PCDH11X: variants seen among roughly 807,000 people sequenced by gnomAD.
The protein encoded by PCDH11X is protocadherin-11 X-linked.
PCDH11X carries 18 observed loss-of-function variants against 53.3 expected under a neutral mutation model. That is an observed-to-expected ratio of 0.34 (90% confidence interval 0.23 to 0.50). PCDH11X has a LOEUF of 0.50. Ranked by LOEUF, PCDH11X falls within the 20% of genes least tolerant of loss-of-function variation. PCDH11X has a pLI of 0.98. For synonymous variants in PCDH11X, 279 were observed against 393.3 expected (o/e 0.71, Z 3.44); for missense variants, 570 against 1,032.4 (o/e 0.55, Z 6.14).
At chrX:92,457,262 C>G (rs972913884) in intron 9 of PCDH11X, among the ~76,000 whole-genome samples, 13 of 109,598 alleles carry the variant, frequency 1.2e-4, no homozygotes, top group Non-Finnish European at 2.1e-4. Context: ...CCCTCCTTTC[C>G]CCATGTGTTA....
At chrX:92,568,561 A>G (rs1921804581) in intron 10 of PCDH11X, among the ~76,000 whole-genome samples, 4 of 110,127 alleles carry the variant, frequency 3.6e-5, no homozygotes, top group Non-Finnish European at 7.6e-5. Flanking sequence ...ATAATAGAAT[A>G]AACCGTAAGT....
At chrX:92,168,368 G>A (rs752643274) in intron 6 of PCDH11X, among the ~76,000 whole-genome samples, 1 of 111,089 alleles carries the variant, frequency 9.0e-6, no homozygotes, top group African/African-American at 3.3e-5. Context: ...AGACCAGCTT[G>A]GGCAACATAG....
At chrX:91,795,756 C>T (rs1032000581) in intron 1 of PCDH11X, among the ~76,000 whole-genome samples, 1 of 111,298 alleles carries the variant, frequency 9.0e-6, no homozygotes, top group African/African-American at 3.3e-5. Flanking sequence ...TCTCTTGAAT[C>T]CAAGAAGTTT....
chrX:92,280,125 A>C (rs1354045424), intron 8 of PCDH11X, among the ~76,000 whole-genome samples: 2 of 112,394 alleles, frequency 1.8e-5, no homozygotes, highest in Non-Finnish European at 3.7e-5. Flanking sequence ...ACATGCATAC[A>C]CATAGAAAAG....
chrX:92,478,244 A>G (rs1221903897), intron 10 of PCDH11X, among the ~76,000 whole-genome samples: 1 of 109,428 alleles, frequency 9.1e-6, no homozygotes, highest in Non-Finnish European at 1.9e-5. Context: ...AAAATTGCCC[A>G]CTCTCGAGTA....
At chrX:92,363,051 GTAGATTTGTAGTAAGTT>G (rs2070383274) in intron 8 of PCDH11X, among the ~76,000 whole-genome samples, 1 of 110,588 alleles carries the variant, frequency 9.0e-6, no homozygotes, top group Non-Finnish European at 1.9e-5. Context: ...TTTGATTATT[GTAGATTTGTAGTAAGTT>G]TACAAGTAAC....
chrX:91,942,940 T>C (rs1043085845), intron 6 of PCDH11X, among the ~76,000 whole-genome samples: 12 of 103,315 alleles, frequency 1.2e-4, no homozygotes, highest in African/African-American at 4.2e-4. Context: ...AAAGAAATGA[T>C]ATATCAAGCC....
intron 7 of PCDH11X, among the ~76,000 whole-genome samples, chrX:92,239,625 G>T (rs1442952514): frequency 8.9e-6 from 1 of 111,736 alleles, no homozygotes; most frequent in Non-Finnish European, 1.9e-5. Flanking sequence ...GACAACTAAA[G>T]AGATCGATGT....
chrX:92,452,919 A>C (rs2578894), intron 9 of PCDH11X, among the ~76,000 whole-genome samples: 6,889 of 55,448 alleles, frequency 0.12, 1,364 homozygotes, highest in African/African-American at 0.44. Context: ...TGTCTTCCTT[A>C]TTTTACCCGC....
intron 6 of PCDH11X, among the ~76,000 whole-genome samples, chrX:91,893,918 G>T (rs1373741825): frequency 9.0e-6 from 1 of 111,329 alleles, no homozygotes; most frequent in Non-Finnish European, 1.9e-5. Context: ...AAATAGAACG[G>T]ATAAAAATAA....
chrX:91,835,215 CTT>C (rs1937250543), intron 4 of PCDH11X: 1 of 815,698 alleles, frequency 1.2e-6, no homozygotes, highest in Admixed American at 4.1e-5. Context: ...ATGGTGGACA[CTT>C]TTATAGGTAC....
chrX:92,287,807 A>G (rs893622383), intron 8 of PCDH11X, among the ~76,000 whole-genome samples: 10 of 110,902 alleles, frequency 9.0e-5, no homozygotes, highest in African/African-American at 2.0e-4. Context: ...GCAATCCCCA[A>G]TGTTGTAGGA....
At chrX:92,253,023 C>G (rs761717003) in intron 7 of PCDH11X, among the ~76,000 whole-genome samples, 3 of 109,254 alleles carry the variant, frequency 2.7e-5, no homozygotes, top group African/African-American at 1.0e-4. Flanking sequence ...AGCAGCTGTA[C>G]TTTGCACAGG....
chrX:92,242,084 G>T (rs1436614782), intron 7 of PCDH11X, among the ~76,000 whole-genome samples: 1 of 105,760 alleles, frequency 9.5e-6, no homozygotes, highest in Non-Finnish European at 1.9e-5. Flanking sequence ...GCAACAGAGT[G>T]AAACCTCCAT....
intron 5 of PCDH11X, among the ~76,000 whole-genome samples, chrX:91,849,127 A>C: frequency 9.0e-6 from 1 of 111,147 alleles, no homozygotes; most frequent in East Asian, 2.8e-4. Flanking sequence ...GGTGATAATA[A>C]AAATCAAGTT....
At chrX:92,561,526 C>T (rs868526852) in intron 10 of PCDH11X, among the ~76,000 whole-genome samples, 7 of 92,178 alleles carry the variant, frequency 7.6e-5, no homozygotes, top group Middle Eastern at 5.3e-3. Flanking sequence ...AGAATGCATC[C>T]ATCTTTGAAT....
intron 6 of PCDH11X, among the ~76,000 whole-genome samples, chrX:92,125,259 G>A (rs1165084603): frequency 9.0e-6 from 1 of 111,042 alleles, no homozygotes; most frequent in East Asian, 2.8e-4. Context: ...AATTACAATG[G>A]TAATGCATGC....
rs1433186271 is a variant in PCDH11X at position 92,041,945 on chromosome X, G to A, written c.3034-159430G>A. 2.6e-4 allele frequency among the ~76,000 whole-genome samples: 29 copies of A among 112,016 alleles called. No homozygotes were observed. The Admixed American group carries it at 2.7e-3, about 11-fold the overall frequency. On this transcript the variant is annotated intron_variant, in intron 6 of 10. Coordinates refer to ENST00000682573, the MANE Select transcript of PCDH11X (RefSeq NM_032968.5). ...GATCACACCACTGCACTCTAGCCTGGGTGACAGAGCGAGACTCCGTCTCAA... is the reference window on the plus strand; with the variant it reads ...GATCACACCACTGCACTCTAGCCTGAGTGACAGAGCGAGACTCCGTCTCAA...
At chrX:92,094,341 T>C (rs1025493323) in intron 6 of PCDH11X, among the ~76,000 whole-genome samples, 12 of 110,981 alleles carry the variant, frequency 1.1e-4, no homozygotes, top group African/African-American at 3.3e-4. Context: ...TGAGTAGAGA[T>C]AGGTTACTTA....
Sources: allele counts gnomAD v4.1 joint callset (sites outside exome capture counted in the v4.1 genomes callset), GRCh38; gene constraint gnomAD v4.1.1; transcripts MANE v1.5; gene names NCBI Gene and HGNC (gene_info 2026-07-23, HGNC 2026-07-21).